Variants in AOPEP observed in about 807,000 individuals in gnomAD.
AOPEP encodes aminopeptidase O (putative), also known as aminopeptidase O.
In AOPEP, 77 loss-of-function variants were observed where a neutral mutation model predicts 98.1. The ratio of observed to expected loss-of-function variants is 0.78; its 90% confidence interval spans 0.65 to 0.95. The LOEUF (loss-of-function observed/expected upper bound fraction) is 0.95, where lower values mean the gene tolerates loss of function less well. Among genes scored for constraint, AOPEP ranks in the 40% least tolerant of loss-of-function variants. AOPEP has a pLI of 0.00. For synonymous variants in AOPEP, 346 were observed against 365.3 expected (o/e 0.95, Z 0.60); for missense variants, 1,024 against 1,024.7 (o/e 1.00, Z 0.01).
intron 5 of AOPEP, among the ~76,000 whole-genome samples, chr9:94,832,260 G>C (rs7044110): frequency 0.038 from 5,789 of 152,144 alleles, 351 homozygotes; most frequent in African/African-American, 0.13. Context: ...CTAGAGATAA[G>C]AACAAACAGT....
intron 13 of AOPEP, among the ~76,000 whole-genome samples, chr9:95,028,227 A>C (rs2064001014): frequency 1.3e-5 from 2 of 152,286 alleles, no homozygotes; most frequent in South Asian, 4.1e-4. Flanking sequence ...AATTTACATC[A>C]ATTATTTTGG....
chr9:95,081,132 C>T (rs1010353298), intron 15 of AOPEP, among the ~76,000 whole-genome samples: 18 of 152,194 alleles, frequency 1.2e-4, no homozygotes, highest in Admixed American at 9.8e-4. Context: ...TTAAAGTACA[C>T]GTGCAAGTCA....
intron 5 of AOPEP, among the ~76,000 whole-genome samples, chr9:94,884,371 A>T (rs1387506649): frequency 2.0e-5 from 3 of 152,196 alleles, no homozygotes; most frequent in African/African-American, 7.2e-5. Flanking sequence ...GGCCTGTGGT[A>T]CCTCAGTGAG....
At chr9:95,111,069 A>C in the AOPEP span, 1 of 1,493,184 alleles carries the variant, frequency 6.7e-7, no homozygotes, top group Non-Finnish European at 8.9e-7. Context: ...GCTGCTGGGG[A>C]GCGAGACAGG....
At chr9:94,795,681 C>T (rs1846777813) in intron 4 of AOPEP, among the ~76,000 whole-genome samples, 1 of 152,168 alleles carries the variant, frequency 6.6e-6, no homozygotes, top group African/African-American at 2.4e-5. Flanking sequence ...TGACTCTGTG[C>T]TCTCTCCTTC....
At chr9:95,121,547 A>G in the AOPEP span, among the ~76,000 whole-genome samples, 3 of 152,230 alleles carry the variant, frequency 2.0e-5, no homozygotes, top group African/African-American at 7.2e-5. Context: ...GTCCAGAGCA[A>G]CATTGTTTGT....
chr9:95,075,869 TCAAA>T (rs374575150), intron 14 of AOPEP, among the ~76,000 whole-genome samples: 227 of 152,216 alleles, frequency 1.5e-3, no homozygotes, highest in Non-Finnish European at 2.1e-3. Flanking sequence ...ACACCCTGCC[TCAAA>T]CAAACAAACA....
At chr9:94,728,219 T>C (rs1378236910) in intron 1 of AOPEP, among the ~76,000 whole-genome samples, 2 of 137,360 alleles carry the variant, frequency 1.5e-5, no homozygotes, top group Non-Finnish European at 3.2e-5. Flanking sequence ...TAATTTGTGA[T>C]CCTTCCTGCG....
chr9:95,099,344 G>A, the AOPEP span: 3 of 227,872 alleles, frequency 1.3e-5, no homozygotes, highest in East Asian at 1.9e-4. Context: ...GTTCCTTCCA[G>A]GGTGGCTTCA....
the AOPEP span, chr9:95,124,012 G>A: frequency 3.1e-6 from 1 of 319,758 alleles, no homozygotes; most frequent in African/African-American, 2.2e-5. Flanking sequence ...GCTGAAGTGT[G>A]AGGATCACCT....
In AOPEP at chr9:94,937,661, T is replaced by TATCATTATGACTC. The variant is rs569283402; in HGVS notation, c.1661+9145_1661+9157dup. 7.3e-3 allele frequency among the ~76,000 whole-genome samples: 1,113 copies of TATCATTATGACTC among 152,294 alleles called. 9 individuals are homozygous for TATCATTATGACTC. The highest frequency in any genetic ancestry group is 0.025 in the African/African-American group (1,059 of 41,538). On this transcript the variant is annotated intron_variant, in intron 7 of 16. Coordinates refer to ENST00000375315, the MANE Select transcript of AOPEP (RefSeq NM_001193329.3). ...ATCCTTGCCTTGCTGCATAATTCCA[T>TATCATTATGACTC]ATCATTATGACTCATCATTATGACT...
Position 95,082,738 on chromosome 9 carries a change from T to C in AOPEP, c.*4+19T>C. 6.2e-7 allele frequency: 1 copy of C among 1,613,572 alleles called. No homozygotes were observed. The highest frequency in any genetic ancestry group is 8.5e-7 in the Non-Finnish European group (1 of 1,179,646). ...TAACGAGGTGATTCTCTCCCTTTCCTTTCTGTCATTTAGTTCTAACCAGAT... is the reference window on the plus strand; with the variant it reads ...TAACGAGGTGATTCTCTCCCTTTCCCTTCTGTCATTTAGTTCTAACCAGAT... On this transcript the variant is annotated intron_variant, in intron 16 of 16. Coordinates refer to ENST00000375315, the MANE Select transcript of AOPEP (RefSeq NM_001193329.3).
At chr9:94,795,758 A>G (rs2133577234) in intron 4 of AOPEP, among the ~76,000 whole-genome samples, 1 of 152,330 alleles carries the variant, frequency 6.6e-6, no homozygotes, top group South Asian at 2.1e-4. Context: ...GGAGGAAGAA[A>G]TGGTTAAATC....
At chr9:94,791,961 A>G (rs1427736534) in intron 3 of AOPEP, among the ~76,000 whole-genome samples, 1 of 152,264 alleles carries the variant, frequency 6.6e-6, no homozygotes, top group Non-Finnish European at 1.5e-5. Flanking sequence ...TTATTTTTAC[A>G]TCTCAGAAAT....
chr9:95,082,897 C>G, intron 16 of AOPEP, 178 bp downstream of exon 16: 1 of 658,458 alleles, frequency 1.5e-6, no homozygotes, highest in Admixed American at 3.1e-5. Context: ...TATGGGAGCC[C>G]CGGGTCCCTG....
At chr9:94,999,874 CAG>C (rs1411587648) in intron 11 of AOPEP, among the ~76,000 whole-genome samples, 1 of 152,060 alleles carries the variant, frequency 6.6e-6, no homozygotes, top group Non-Finnish European at 1.5e-5. Context: ...ATTAGAATCT[CAG>C]AGGGGGTCAA....
intron 7 of AOPEP, among the ~76,000 whole-genome samples, chr9:94,949,073 C>T (rs1157797561): frequency 6.6e-6 from 1 of 152,214 alleles, no homozygotes; most frequent in African/African-American, 2.4e-5. Flanking sequence ...CTCCGTTTTT[C>T]TCTGTCTCTT....
intron 3 of AOPEP, among the ~76,000 whole-genome samples, chr9:94,782,054 G>T (rs573397499): frequency 9.9e-5 from 15 of 151,478 alleles, no homozygotes; most frequent in African/African-American, 3.6e-4. Flanking sequence ...TTAGCCGGGC[G>T]TGGTGGCAGG....
intron 6 of AOPEP, among the ~76,000 whole-genome samples, chr9:94,926,518 G>A (rs1251669256): frequency 6.6e-6 from 1 of 152,216 alleles, no homozygotes; most frequent in Non-Finnish European, 1.5e-5. Flanking sequence ...CCAGCACAAA[G>A]TTTGAAACAT....
Sources: gnomAD v4.1 joint callset for allele counts (sites outside exome capture counted in the v4.1 genomes callset) on GRCh38, gnomAD v4.1.1 for gene constraint, MANE v1.5 for transcripts, NCBI Gene and HGNC (gene_info 2026-07-23, HGNC 2026-07-21) for gene names.